The following SEC24A variants were observed in gnomAD, a reference collection of about 807,000 sequenced individuals.
SEC24A encodes the protein protein transport protein Sec24A.
SEC24A carries 93 observed loss-of-function variants against 129.4 expected under a neutral mutation model. The observed-to-expected ratio is 0.72, with a 90% CI of 0.61 to 0.85. The LOEUF (loss-of-function observed/expected upper bound fraction) is 0.85. SEC24A is among the 40% of genes least tolerant of loss of function. SEC24A has a pLI of 0.00. For missense variants in SEC24A, 1,264 were observed against 1,307.4 expected, an observed-to-expected ratio of 0.97 and a Z score of 0.51; for synonymous variants, 460 against 467.3, an observed-to-expected ratio of 0.98 and a Z score of 0.20.
intron 2 of SEC24A, among the ~76,000 whole-genome samples, chr5:134,663,804 G>A (rs1750556478): frequency 6.6e-6 from 1 of 151,958 alleles, no homozygotes; most frequent in African/African-American, 2.4e-5. Flanking sequence ...CAGATTTGGT[G>A]AGAGAGACAT....
intron 1 of SEC24A, among the ~76,000 whole-genome samples, chr5:134,658,220 G>A (rs1488061933): frequency 6.6e-6 from 1 of 152,040 alleles, no homozygotes; most frequent in Admixed American, 6.6e-5. Context: ...GCAGTGAGCC[G>A]AGATCGCACC....
At chr5:134,671,633 A>G (rs1423304951) in intron 3 of SEC24A, among the ~76,000 whole-genome samples, 176 bp from the exon 4 acceptor site, 1 of 152,220 alleles carries the variant, frequency 6.6e-6, no homozygotes. Flanking sequence ...TTGCAGCTAA[A>G]TTACTTGAAA....
intron 8 of SEC24A, among the ~76,000 whole-genome samples, chr5:134,681,963 C>T (rs919759438): frequency 2.6e-5 from 4 of 151,928 alleles, no homozygotes; most frequent in African/African-American, 9.7e-5. Context: ...GAAAATAGGC[C>T]GGGTGTGGTG....
In SEC24A at chr5:134,674,631, T is replaced by A; in HGVS notation, c.834T>A (p.Thr278=). 6.2e-7 allele frequency: 1 copy of A among 1,613,736 alleles called. No homozygotes were observed. Among genetic ancestry groups the A allele is most frequent in the African/African-American group, 1.3e-5 (1 of 75,060 alleles). Residue 278 remains threonine, a synonymous_variant, in exon 5 of 23, where the codon ACT becomes ACA. Transcript: ENST00000398844. The part of the protein sequence containing the change: ...GGGLLATPQL[T]NKNPKMSRSV... ...TGTTTCTAGCAACACCACAGCTTAC[T>A]AACAAGAATCCCAAAATGAGCCGAA...
At chr5:134,675,476 ACTTT>A (rs1433397247) in intron 6 of SEC24A, among the ~76,000 whole-genome samples, 2 of 152,172 alleles carry the variant, frequency 1.3e-5, no homozygotes, top group African/African-American at 4.8e-5. Flanking sequence ...TATGGTGGTT[ACTTT>A]CTTTCTTCAA....
chr5:134,723,512 C>T, intron 21 of SEC24A, 55 bp from the exon 22 acceptor site: 4 of 1,080,692 alleles, frequency 3.7e-6, no homozygotes, highest in African/African-American at 1.6e-5. Context: ...GTACCATAGA[C>T]CATACATTAG....
intron 1 of SEC24A, among the ~76,000 whole-genome samples, chr5:134,657,179 A>AAC (rs1177094202): frequency 7.3e-6 from 1 of 136,934 alleles, no homozygotes. Flanking sequence ...ATTTCTGAAA[A>AAC]ACGCACACAC....
chr5:134,659,645 C>CTTTT (rs1173408628), intron 1 of SEC24A, among the ~76,000 whole-genome samples: 3 of 122,038 alleles, frequency 2.5e-5, no homozygotes, highest in East Asian at 2.4e-4. Flanking sequence ...ACCTCATATT[C>CTTTT]TTTTTTTTTT....
chr5:134,708,566 AGCTGCTGT>A, intron 17 of SEC24A, 139 bp from the exon 18 acceptor site: 1 of 662,578 alleles, frequency 1.5e-6, no homozygotes, highest in East Asian at 2.8e-5. Flanking sequence ...CCATGCTTTT[AGCTGCTGT>A]GTTTTGTCTC....
intron 2 of SEC24A, among the ~76,000 whole-genome samples, chr5:134,666,180 A>T (rs775113784): frequency 1.3e-5 from 2 of 152,196 alleles, no homozygotes; most frequent in Non-Finnish European, 2.9e-5. Flanking sequence ...TATCTACTCT[A>T]AAAGTGATTT....
In SEC24A at chr5:134,682,409, T is replaced by A; in HGVS notation, c.1418T>A (p.Val473Asp). 1 of 1,607,822 alleles carries A rather than the reference T, an allele frequency of 6.2e-7. No individual in the cohort carries two copies. The highest frequency in any genetic ancestry group is 8.5e-7 in the Non-Finnish European group (1 of 1,174,510). The change falls in exon 9 of 23, where the codon GTT (valine) becomes GAT (aspartate). Residue 473 changes from valine (V) to aspartate (D), a missense_variant. By Grantham distance (152) the Val-to-Asp change is radical. Transcript: ENST00000398844. Reference sequence around the variant, plus strand: ...TTCTTGTACAACCCTTTGACCAGAGTTTATGGAGAACCTCACAGAAGACCA... The same window carrying A: ...TTCTTGTACAACCCTTTGACCAGAGATTATGGAGAACCTCACAGAAGACCA... ...EEFLYNPLTR[V>D]YGEPHRRPEV...
In SEC24A at chr5:134,679,665, C is replaced by T. The variant is rs1443511978; in HGVS notation, c.1318C>T (p.Pro440Ser). 1.9e-6 allele frequency: 3 copies of T among 1,601,158 alleles called. No individual in the cohort carries two copies. The African/African-American group carries it at 4.0e-5, about 21-fold the overall frequency. ...RCRSCRTYIN[P>S]FVSFLDQRRW... ...CCGTTCATGCAGGACGTACATCAATCCTTTCGTCAGCTTTCTTGATCAAAG... is the reference window on the plus strand; with the variant it reads ...CCGTTCATGCAGGACGTACATCAATTCTTTCGTCAGCTTTCTTGATCAAAG... Residue 440 changes from proline to serine, a missense_variant, in exon 8 of 23, where the codon CCT (proline) becomes TCT (serine). Transcript: ENST00000398844.
intron 18 of SEC24A, among the ~76,000 whole-genome samples, chr5:134,712,926 A>ATTT (rs754704811): frequency 0.022 from 2,219 of 102,672 alleles, 169 homozygotes; most frequent in African/African-American, 0.065. Flanking sequence ...AAATATTTAA[A>ATTT]TTTTTTTTTT....
intron 15 of SEC24A, among the ~76,000 whole-genome samples, chr5:134,699,474 AT>A (rs1345711583): frequency 2.0e-5 from 3 of 150,134 alleles, no homozygotes; most frequent in Non-Finnish European, 4.4e-5. Context: ...AATTTTTTGT[AT>A]TTTTTAGTAG....
chr5:134,692,325 G>C (rs1160922983), intron 11 of SEC24A, among the ~76,000 whole-genome samples: 1 of 152,118 alleles, frequency 6.6e-6, no homozygotes, highest in South Asian at 2.1e-4. Flanking sequence ...GGGATTACAG[G>C]CGTGTACTAC....
intron 1 of SEC24A, among the ~76,000 whole-genome samples, chr5:134,652,168 C>T (rs972671068): frequency 6.5e-4 from 99 of 151,874 alleles, no homozygotes; most frequent in African/African-American, 2.1e-3. Context: ...GTGATCCGCC[C>T]GCGTCGGCCT....
intron 12 of SEC24A, chr5:134,692,903 C>A: frequency 1.2e-6 from 1 of 804,218 alleles, no homozygotes; most frequent in South Asian, 1.5e-5. Flanking sequence ...AGGAGGAACA[C>A]TTGAAGGAAA....
At chr5:134,719,489 C>T (rs182046135) in intron 20 of SEC24A, among the ~76,000 whole-genome samples, 25 of 151,762 alleles carry the variant, frequency 1.6e-4, no homozygotes, top group Non-Finnish European at 2.9e-4. Flanking sequence ...CCCAGGAATT[C>T]GAGAACAGCC....
intron 19 of SEC24A, 89 bp from the exon 20 acceptor site, chr5:134,717,980 G>GT: frequency 1.1e-6 from 1 of 875,722 alleles, no homozygotes; most frequent in South Asian, 1.4e-5. Flanking sequence ...ACTTGTAGAG[G>GT]TAACATTCAT....
Sources: gnomAD v4.1 joint callset for allele counts (sites outside exome capture counted in the v4.1 genomes callset) on GRCh38, gnomAD v4.1.1 for gene constraint, MANE v1.5 for transcripts, NCBI Gene and HGNC (gene_info 2026-07-23, HGNC 2026-07-21) for gene names.